The following MYO16 variants were observed in gnomAD, a reference collection of about 807,000 sequenced individuals.
The protein encoded by MYO16 is myosin XVI.
In MYO16, 94 loss-of-function variants were observed where a neutral mutation model predicts 205.3. The observed-to-expected ratio is 0.46, with a 90% confidence interval of 0.39 to 0.54. MYO16 has a LOEUF of 0.54. Among genes scored for constraint, MYO16 ranks in the 20% least tolerant of loss-of-function variants. MYO16 has a pLI of 0.00. For missense variants in MYO16, 2,315 were observed against 2,387.5 expected, an observed-to-expected ratio of 0.97 and a Z score of 0.63; for synonymous variants, 988 against 954.0, an observed-to-expected ratio of 1.04 and a Z score of -0.66.
the MYO16 span, among the ~76,000 whole-genome samples, chr13:108,588,787 A>G: frequency 6.6e-6 from 1 of 152,122 alleles, no homozygotes; most frequent in African/African-American, 2.4e-5. Flanking sequence ...CTCAGGTTGC[A>G]TGATTGCCAA....
At chr13:108,908,578 T>C (rs1881100540) in intron 15 of MYO16, among the ~76,000 whole-genome samples, 1 of 152,194 alleles carries the variant, frequency 6.6e-6, no homozygotes, top group East Asian at 1.9e-4. Flanking sequence ...TTTATTTGCC[T>C]TTCTAAGAAC....
chr13:108,824,260 G>A (rs1364274847), intron 9 of MYO16, among the ~76,000 whole-genome samples: 7 of 152,042 alleles, frequency 4.6e-5, no homozygotes, highest in African/African-American at 1.7e-4. Flanking sequence ...CCTCCAGAAT[G>A]CTACTGCTAA....
intron 2 of MYO16, among the ~76,000 whole-genome samples, chr13:108,709,221 G>A (rs1326286635): frequency 1.3e-5 from 2 of 152,068 alleles, no homozygotes; most frequent in South Asian, 2.1e-4. Context: ...CACTTGACTG[G>A]CCGCTCCAAT....
chr13:108,786,378 G>A (rs1038829709), intron 5 of MYO16, among the ~76,000 whole-genome samples: 1 of 152,298 alleles, frequency 6.6e-6, no homozygotes, highest in Middle Eastern at 3.4e-3. Context: ...GGAGGTATGA[G>A]AATCCCTGAG....
intron 1 of MYO16, among the ~76,000 whole-genome samples, chr13:108,658,934 T>G (rs1241609902): frequency 6.6e-6 from 1 of 152,118 alleles, no homozygotes; most frequent in African/African-American, 2.4e-5. Flanking sequence ...TTTTGCCTCT[T>G]TAGCAATCAC....
chr13:108,502,638 A>G, the MYO16 span, among the ~76,000 whole-genome samples: 1 of 152,232 alleles, frequency 6.6e-6, no homozygotes, highest in Admixed American at 6.5e-5. Context: ...AGCATGTGGT[A>G]CTGTGTGCCT....
At chr13:108,913,728 A>G (rs1013883573) in intron 16 of MYO16, among the ~76,000 whole-genome samples, 11 of 152,192 alleles carry the variant, frequency 7.2e-5, no homozygotes, top group Admixed American at 2.6e-4. Context: ...GTGCTTCTGT[A>G]TTTGAGTCCT....
At chr13:108,561,464 A>G in the MYO16 span, among the ~76,000 whole-genome samples, 1 of 152,244 alleles carries the variant, frequency 6.6e-6, no homozygotes, top group Non-Finnish European at 1.5e-5. Flanking sequence ...CTGCTTGAAT[A>G]TTTTTATAAC....
Position 109,170,521 on chromosome 13 carries a change from T to C in MYO16, c.5323+5462T>C, listed in dbSNP as rs373037314. On this transcript the variant is annotated intron_variant, in intron 33 of 34. Transcript: ENST00000457511. ...CTATTTCTTTATTTTATTTGTGTGGTTGTTACAATTCTGCAATTTAAAAAA... is the reference window on the plus strand; with the variant it reads ...CTATTTCTTTATTTTATTTGTGTGGCTGTTACAATTCTGCAATTTAAAAAA... Among the ~76,000 whole-genome samples the C allele has an allele frequency of 2.4e-4, 36 of 151,484 alleles. No homozygotes were observed. The East Asian group carries it at 6.0e-3, about 25-fold the overall frequency.
At chr13:108,842,613 G>T (rs779777378) in intron 9 of MYO16, among the ~76,000 whole-genome samples, 6 of 152,152 alleles carry the variant, frequency 3.9e-5, no homozygotes, top group Non-Finnish European at 5.9e-5. Flanking sequence ...ACTAGTGTTG[G>T]TGAGGGTGTG....
intron 21 of MYO16, among the ~76,000 whole-genome samples, chr13:109,007,861 C>A (rs1885452075): frequency 6.6e-6 from 1 of 151,960 alleles, no homozygotes. Context: ...TCTGAAAGAA[C>A]CCCCACATTC....
chr13:109,147,717 A>C (rs1289017690), intron 32 of MYO16, among the ~76,000 whole-genome samples: 1 of 152,092 alleles, frequency 6.6e-6, no homozygotes, highest in African/African-American at 2.4e-5. Context: ...AATTAGAAAA[A>C]GTGTGGAAGA....
intron 27 of MYO16, among the ~76,000 whole-genome samples, chr13:109,098,085 G>A (rs156996): frequency 0.78 from 119,103 of 151,976 alleles, 46,845 homozygotes; most frequent in Middle Eastern, 0.87. Flanking sequence ...TGGAAAGTCC[G>A]AGATCAAATT....
chr13:108,663,708 CAA>C (rs1395843053), intron 1 of MYO16, among the ~76,000 whole-genome samples: 1 of 152,124 alleles, frequency 6.6e-6, no homozygotes, highest in Non-Finnish European at 1.5e-5. Context: ...AAAATTTCAC[CAA>C]GAGACGCTTC....
At chr13:109,028,961 A>G (rs556415581) in intron 23 of MYO16, among the ~76,000 whole-genome samples, 1 of 152,030 alleles carries the variant, frequency 6.6e-6, no homozygotes, top group African/African-American at 2.4e-5. Context: ...TGAATAAACT[A>G]AGTTTGAAAT....
rs1327055869 is a variant in MYO16 at position 108,934,676 on chromosome 13, G to A, written c.1926-23012G>A. Among the ~76,000 whole-genome samples, 5 of 151,982 alleles carry A rather than the reference G, an allele frequency of 3.3e-5. No homozygotes were observed. The South Asian group carries it at 8.3e-4, about 25-fold the overall frequency. On this transcript the variant is annotated intron_variant, in intron 16 of 34. Coordinates refer to ENST00000457511, the MANE Select transcript of MYO16 (RefSeq NM_001198950.3). ...ATTTAATCATAAATTCTATCTCAAG[G>A]TCCATGCCCAGAATGGCATTTCCTA...
In MYO16 at chr13:108,727,430, T is replaced by C. The variant is rs113772703; in HGVS notation, c.364-10T>C. 1.6e-5 allele frequency: 26 copies of C among 1,610,734 alleles called. No homozygotes were observed. The African/African-American group carries it at 2.8e-4, about 17-fold the overall frequency. On this transcript the variant is annotated splice_polypyrimidine_tract_variant and intron_variant, in intron 3 of 34. Transcript: ENST00000457511. ...AATAATTTGATATTTCCTTGTATTCTTTCTTTTAGTGTGCTCGGTATGATA... is the reference window on the plus strand; with the variant it reads ...AATAATTTGATATTTCCTTGTATTCCTTCTTTTAGTGTGCTCGGTATGATA...
chr13:109,037,661 G>A (rs7334544), intron 23 of MYO16, among the ~76,000 whole-genome samples: 55,828 of 151,746 alleles, frequency 0.37, 11,243 homozygotes, highest in East Asian at 0.83. Context: ...CAAAGCCACC[G>A]AGAGACACAC....
At chr13:109,093,644 G>A (rs990382743) in intron 27 of MYO16, among the ~76,000 whole-genome samples, 2 of 152,130 alleles carry the variant, frequency 1.3e-5, no homozygotes, top group African/African-American at 4.8e-5. Flanking sequence ...CAAAAACCTT[G>A]AAGTCATCCT....
Sources: allele counts gnomAD v4.1 joint callset (sites outside exome capture counted in the v4.1 genomes callset), GRCh38; gene constraint gnomAD v4.1.1; transcripts MANE v1.5; gene names NCBI Gene and HGNC (gene_info 2026-07-23, HGNC 2026-07-21).